CCND3: variants seen among roughly 807,000 people sequenced by gnomAD.
CCND3 encodes cyclin D3.
A neutral mutation model predicts 28.7 loss-of-function variants in CCND3; 9 were observed. That is an observed-to-expected ratio of 0.31 (90% confidence interval 0.19 to 0.55). CCND3 has a LOEUF of 0.55. Ranked by LOEUF, CCND3 falls within the 20% of genes least tolerant of loss-of-function variation. The pLI, the probability that CCND3 is intolerant of heterozygous loss-of-function variation, is 0.93. For missense variants in CCND3, 315 were observed against 385.8 expected (o/e 0.82, Z 1.54); for synonymous variants, 164 against 163.9 (o/e 1.00, Z 0.00).
intron 1 of CCND3, among the ~76,000 whole-genome samples, chr6:41,961,381 T>A (rs905809966): frequency 4.0e-5 from 6 of 151,888 alleles, no homozygotes; most frequent in Admixed American, 1.3e-4. Context: ...AGCCTGGCCA[T>A]CATGGTGAAA....
chr6:41,942,177 C>G (rs986581793), upstream of CCND3, among the ~76,000 whole-genome samples: 5 of 152,206 alleles, frequency 3.3e-5, no homozygotes, highest in Non-Finnish European at 7.3e-5. Flanking sequence ...TAAATAATGT[C>G]AGAGCTAGTT....
chr6:42,047,936 A>T (rs945435259), intron 1 of CCND3: 1 of 152,428 alleles, frequency 6.6e-6, no homozygotes, highest in African/African-American at 2.4e-5. Context: ...CACCCTCAGC[A>T]TTCCATATAA....
At chr6:42,021,242 T>A (rs4711700) in intron 1 of CCND3, among the ~76,000 whole-genome samples, 2 of 152,236 alleles carry the variant, frequency 1.3e-5, no homozygotes, top group Non-Finnish European at 2.9e-5. Context: ...TTGGTATGTA[T>A]GTATAGGAAG....
chr6:42,045,373 T>C (rs187191978), intron 1 of CCND3, among the ~76,000 whole-genome samples: 1 of 152,316 alleles, frequency 6.6e-6, no homozygotes, highest in Non-Finnish European at 1.5e-5. Context: ...TGAGCCTCAG[T>C]TTCCTATCTG....
At chr6:41,979,842 C>T (rs1346944063) in intron 1 of CCND3, among the ~76,000 whole-genome samples, 2 of 151,818 alleles carry the variant, frequency 1.3e-5, no homozygotes, top group African/African-American at 4.8e-5. Flanking sequence ...TGCCATGTTA[C>T]CCAGCCTAGC....
chr6:41,968,984 C>T (rs919644985), intron 1 of CCND3, among the ~76,000 whole-genome samples: 3 of 151,860 alleles, frequency 2.0e-5, no homozygotes, highest in Admixed American at 6.6e-5. Context: ...TTAGTAGAAA[C>T]GGGGTTTTGC....
chr6:41,950,800 C>T (rs1282466514), intron 1 of CCND3, among the ~76,000 whole-genome samples: 2 of 151,474 alleles, frequency 1.3e-5, no homozygotes, highest in African/African-American at 2.4e-5. Context: ...GCTCCGCCTC[C>T]CAGGTTCACG....
intron 1 of CCND3, among the ~76,000 whole-genome samples, chr6:42,036,918 T>G (rs1378842217): frequency 6.6e-6 from 1 of 152,086 alleles, no homozygotes; most frequent in Admixed American, 6.6e-5. Flanking sequence ...AAAAATACAA[T>G]GCTTATGGAT....
intron 1 of CCND3, among the ~76,000 whole-genome samples, chr6:41,951,578 A>C (rs1243682020): frequency 1.1e-4 from 16 of 147,126 alleles, no homozygotes; most frequent in African/African-American, 3.9e-4. Flanking sequence ...ACACACACAA[A>C]AAAAAAGATT....
chr6:41,951,072 A>G (rs60119955), intron 1 of CCND3, among the ~76,000 whole-genome samples: 29,421 of 151,872 alleles, frequency 0.19, 3,560 homozygotes, highest in Middle Eastern at 0.35. Flanking sequence ...ATGATGCAGG[A>G]ATCCTAAGAT....
chr6:41,994,799 C>T (rs1457556460), intron 1 of CCND3, among the ~76,000 whole-genome samples: 13 of 152,018 alleles, frequency 8.6e-5, no homozygotes, highest in African/African-American at 2.9e-4. Flanking sequence ...ATAGGCCGGG[C>T]GCGGTGGCTT....
At chr6:41,964,665 C>T (rs62417386) in intron 1 of CCND3, among the ~76,000 whole-genome samples, 1,936 of 152,042 alleles carry the variant, frequency 0.013, 14 homozygotes, top group Middle Eastern at 0.041. Flanking sequence ...GCCAGCAGAC[C>T]CAGCAGGTTG....
intron 1 of CCND3, among the ~76,000 whole-genome samples, chr6:42,019,488 CAAAAA>C (rs57466823): frequency 1.2e-5 from 1 of 84,826 alleles, no homozygotes; most frequent in African/African-American, 4.6e-5. Flanking sequence ...GACTCTGTCT[CAAAAA>C]AAAAAAAAAA....
At chr6:42,006,302 T>C (rs894184883) in intron 1 of CCND3, among the ~76,000 whole-genome samples, 1 of 127,812 alleles carries the variant, frequency 7.8e-6, no homozygotes, top group African/African-American at 2.6e-5. Flanking sequence ...GATTTAGAGG[T>C]TTAAAAAAAA....
intron 1 of CCND3, among the ~76,000 whole-genome samples, chr6:41,953,891 C>T (rs1318250612): frequency 1.3e-5 from 2 of 151,850 alleles, no homozygotes; most frequent in Non-Finnish European, 2.9e-5. Context: ...TGGCACATTA[C>T]TGAATACTTA....
intron 1 of CCND3, among the ~76,000 whole-genome samples, chr6:41,969,229 C>T (rs1438469594): frequency 1.3e-5 from 2 of 151,666 alleles, no homozygotes; most frequent in African/African-American, 4.8e-5. Context: ...GAGATCAAGA[C>T]TGGGCCAGGC....
At chr6:41,992,594 A>G (rs1762686050) in intron 1 of CCND3, among the ~76,000 whole-genome samples, 1 of 150,504 alleles carries the variant, frequency 6.6e-6, no homozygotes, top group Non-Finnish European at 1.5e-5. Context: ...GATAACAGGC[A>G]TGCGCCACCA....
rs775738318 is a variant in CCND3 at position 41,936,690 on chromosome 6, T to TATA, written c.577_579dup (p.Tyr193dup). Reference sequence around the variant, plus strand: ...ATGGATGGCGGGTACATGGCAAAGGTATAATCTTGGAGAGGAGGAAAGGGA... The same window carrying TATA: ...ATGGATGGCGGGTACATGGCAAAGGTATAATAATCTTGGAGAGGAGGAAAGGGA... On this transcript the variant is annotated inframe_insertion, in exon 4 of 5. Coordinates refer to ENST00000372991, the MANE Select transcript of CCND3 (RefSeq NM_001760.5). The surrounding 1 kb of genome is among the most constrained non-coding windows in gnomAD (Gnocchi z 4.4). The TATA allele has an allele frequency of 1.9e-6, 3 of 1,613,260 alleles. No individual in the cohort carries two copies. The highest frequency in any genetic ancestry group is 2.5e-6 in the Non-Finnish European group (3 of 1,179,676).
intron 1 of CCND3, among the ~76,000 whole-genome samples, chr6:41,991,090 C>T (rs1762633540): frequency 6.6e-6 from 1 of 151,496 alleles, no homozygotes; most frequent in African/African-American, 2.4e-5. Flanking sequence ...CGGAATTTCC[C>T]TCTTGTTGCC....
Sources: gnomAD v4.1 joint callset for allele counts (sites outside exome capture counted in the v4.1 genomes callset) on GRCh38, gnomAD v4.1.1 for gene constraint, Gnocchi (gnomAD v3.1) non-coding constraint, MANE v1.5 for transcripts, NCBI Gene and HGNC (gene_info 2026-07-23, HGNC 2026-07-21) for gene names.